The following GNA15 variants were observed in gnomAD, a reference collection of about 807,000 sequenced individuals.
GNA15 encodes the protein guanine nucleotide-binding protein subunit alpha-15.
A neutral mutation model predicts 40.1 loss-of-function variants in GNA15; 23 were observed. The observed-to-expected ratio is 0.57, with a 90% CI of 0.41 to 0.81. The LOEUF (loss-of-function observed/expected upper bound fraction) is 0.81. Ranked by LOEUF, GNA15 falls within the 40% of genes least tolerant of loss-of-function variation. The probability of loss-of-function intolerance (pLI) is 0.00; values close to 1 mark genes in which losing one functional copy is unlikely to be tolerated. For missense variants in GNA15, 522 were observed against 515.8 expected (o/e 1.01, Z -0.12); for synonymous variants, 226 against 210.4 (o/e 1.07, Z -0.64).
At chr19:3,156,815 T>C (rs1915041126) in intron 5 of GNA15, among the ~76,000 whole-genome samples, 1 of 151,952 alleles carries the variant, frequency 6.6e-6, no homozygotes, top group African/African-American at 2.4e-5. Context: ...TTTTAATAAG[T>C]ACACCAGTCG....
chr19:3,148,765 C>T lies in GNA15; in HGVS notation c.320C>T (p.Pro107Leu). ...MERLQIPFSR[P>L]ESKHHASLVM... ...CGGCTGCAGATTCCATTCAGCAGGC[C>T]CGAGAGCAAGGTGAGCCGCCAGGGC... is the stretch of plus-strand genomic sequence containing the variant. The change falls in exon 2 of 7, where the codon CCC becomes CTC. Residue 107 changes from proline to leucine, a missense_variant. Physicochemically the swap from Pro to Leu is moderately conservative, Grantham distance 98. Transcript: ENST00000262958. The T allele has an allele frequency of 6.3e-7, 1 of 1,595,724 alleles. No individual in the cohort carries two copies. Among genetic ancestry groups the T allele is most frequent in the African/African-American group, 1.3e-5 (1 of 74,704 alleles).
Position 3,148,685 on chromosome 19 carries a change from C to T in GNA15, c.240C>T (p.Pro80=), listed in dbSNP as rs138054097. Residue 80 remains proline, a synonymous_variant, in exon 2 of 7, where the codon CCC becomes CCT. Transcript: ENST00000262958. ...AGGAGGAGCGCAAGGGCTTCCGGCCCCTGGTCTACCAGAACATCTTCGTGT... is the reference window on the plus strand; with the variant it reads ...AGGAGGAGCGCAAGGGCTTCCGGCCTCTGGTCTACCAGAACATCTTCGTGT... ...YSEEERKGFR[P]LVYQNIFVSM... 3.3e-5 allele frequency: 52 copies of T among 1,598,126 alleles called. No homozygotes were observed. In the African/African-American group the frequency reaches 6.7e-4, roughly 21 times the overall value.
chr19:3,151,617 C>A lies in GNA15; in HGVS notation c.486-90C>A, dbSNP rs562707805. 2.8e-6 allele frequency: 4 copies of A among 1,430,554 alleles called. No homozygotes were observed. Among genetic ancestry groups the A allele is most frequent in the Non-Finnish European group, 2.8e-6 (3 of 1,081,370 alleles). 88.6% of individuals were successfully genotyped at this position (1,430,554 alleles called of 1,614,324 possible). On this transcript the variant is annotated intron_variant, in intron 3 of 6. Transcript: ENST00000262958. This position sits in a 1 kb window ranked among gnomAD's most constrained non-coding sequence, Gnocchi z 5.0. ...CTCCACCCAGGGAGCTCTCCTCCCCCAGCAGGGTCCTTGCTGGGCCTTTCG... is the reference window on the plus strand; with the variant it reads ...CTCCACCCAGGGAGCTCTCCTCCCCAAGCAGGGTCCTTGCTGGGCCTTTCG...
At chr19:3,138,724 G>A (rs894878214) in intron 1 of GNA15, among the ~76,000 whole-genome samples, 28 of 151,982 alleles carry the variant, frequency 1.8e-4, no homozygotes, top group East Asian at 3.9e-4. Flanking sequence ...TCCGCCTCCC[G>A]GGTTCAAGCA....
Position 3,157,888 on chromosome 19 carries a change from A to G in GNA15, c.898+7A>G. 1.2e-6 allele frequency: 2 copies of G among 1,606,582 alleles called. No homozygotes were observed. Among genetic ancestry groups the G allele is most frequent in the South Asian group, 1.1e-5 (1 of 90,978 alleles). On this transcript the variant is annotated splice_region_variant and intron_variant, in intron 6 of 6. Coordinates refer to ENST00000262958, the MANE Select transcript of GNA15 (RefSeq NM_002068.4). ...TATTTCCCCAGTTTCCAGGGTAAGT[A>G]ATTCTAGAACTTTCTATACCCTTCA...
At chr19:3,146,463 C>T (rs117680827) in intron 1 of GNA15, 5,198 of 152,040 alleles carry the variant, frequency 0.034, 133 homozygotes, top group Non-Finnish European at 0.047. Context: ...TTGGCAGGTG[C>T]GCGAACTGGG....
In GNA15 at chr19:3,136,847, T is replaced by C. The variant is rs1465245; in HGVS notation, c.145+252T>C. Among the ~76,000 whole-genome samples, 91,636 of 152,152 alleles carry C rather than the reference T, an allele frequency of 0.6. 27,687 individuals carry two copies. The highest frequency in any genetic ancestry group is 0.67 in the Admixed American group (10,253 of 15,302). On this transcript the variant is annotated intron_variant, in intron 1 of 6. Coordinates refer to ENST00000262958, the MANE Select transcript of GNA15 (RefSeq NM_002068.4). The surrounding 1 kb of genome is among the most constrained non-coding windows in gnomAD (Gnocchi z 4.9). Reference sequence around the variant, plus strand: ...AGGCCTGTCCACTGTGTGGGGCATATACAATAGCAGACGTGGCTCTACCGG... The same window carrying C: ...AGGCCTGTCCACTGTGTGGGGCATACACAATAGCAGACGTGGCTCTACCGG...
At chr19:3,143,739 A>G (rs1914630688) in intron 1 of GNA15, among the ~76,000 whole-genome samples, 1 of 152,136 alleles carries the variant, frequency 6.6e-6, no homozygotes, top group Non-Finnish European at 1.5e-5. Flanking sequence ...GCCACTCACC[A>G]GGACCATTGA....
rs116821796 is a variant in GNA15 at position 3,151,850 on chromosome 19, T to G, written c.614+15T>G. On this transcript the variant is annotated intron_variant, in intron 4 of 6. Coordinates refer to ENST00000262958, the MANE Select transcript of GNA15 (RefSeq NM_002068.4). The surrounding 1 kb of genome is among the most constrained non-coding windows in gnomAD (Gnocchi z 5.0). ...ACCAACCTGCGGTGAGCGCTCCACC[T>G]AGGCCCAGCCTAGGGGGCAGGGAAG... is the stretch of plus-strand genomic sequence containing the variant. The G allele has an allele frequency of 2.3e-3, 3,702 of 1,591,530 alleles. 79 individuals carry two copies. In the African/African-American group the frequency reaches 0.039, roughly 17 times the overall value.
rs369404148 is a variant in GNA15, at chr19:3,150,113, C to T, written c.331-18C>T. 5 of 1,608,480 alleles carry T rather than the reference C, an allele frequency of 3.1e-6. No individual in the cohort carries two copies. The highest frequency in any genetic ancestry group is 4.2e-6 in the Non-Finnish European group (5 of 1,177,904). ...ACTCAGAAAGGCTACCCTAACTGCC[C>T]CCGTCCTCCCTCCCCAGCACCACGC... On this transcript the variant is annotated intron_variant, in intron 2 of 6. Coordinates refer to ENST00000262958, the MANE Select transcript of GNA15 (RefSeq NM_002068.4).
chr19:3,151,871 G>A lies in GNA15; in HGVS notation c.614+36G>A. 3 of 1,525,638 alleles carry A rather than the reference G, an allele frequency of 2.0e-6. No individual in the cohort carries two copies. The highest frequency in any genetic ancestry group is 2.7e-6 in the Non-Finnish European group (3 of 1,121,846). The allele number at this position is 1,525,638 out of a possible 1,614,324, so 94.5% of individuals were successfully genotyped here. A position where few individuals can be genotyped will look rare whatever the true frequency, so the allele number is the denominator to read the frequency against. ...CACCTAGGCCCAGCCTAGGGGGCAG[G>A]GAAGGCTTCCTGTAGGAAGGGCAAA... is the stretch of plus-strand genomic sequence containing the variant. On this transcript the variant is annotated intron_variant, in intron 4 of 6. Transcript: ENST00000262958. The surrounding 1 kb of genome is among the most constrained non-coding windows in gnomAD (Gnocchi z 5.0).
chr19:3,149,065 G>A (rs1167523599), intron 2 of GNA15: 5 of 397,588 alleles, frequency 1.3e-5, no homozygotes, highest in East Asian at 9.0e-5. Context: ...AGATACACAC[G>A]CATGCCCACA....
chr19:3,155,497 C>T lies in GNA15; in HGVS notation c.615-326C>T, dbSNP rs918645027. 2.0e-5 allele frequency among the ~76,000 whole-genome samples: 3 copies of T among 152,252 alleles called. No homozygotes were observed. The highest frequency in any genetic ancestry group is 4.8e-5 in the African/African-American group (2 of 41,538). Reference sequence around the variant, plus strand: ...TTTGGAGATGTTTGGCAATTTCCTCCGCCGGGTCGCCCAGCCAGCACCAGG... The same window carrying T: ...TTTGGAGATGTTTGGCAATTTCCTCTGCCGGGTCGCCCAGCCAGCACCAGG... On this transcript the variant is annotated intron_variant, in intron 4 of 6. Transcript: ENST00000262958. The surrounding 1 kb of genome is among the most constrained non-coding windows in gnomAD (Gnocchi z 5.6).
chr19:3,157,668 G>A (rs1465367641), intron 5 of GNA15, 60 bp from the exon 6 acceptor site: 5 of 1,513,270 alleles, frequency 3.3e-6, no homozygotes, highest in African/African-American at 1.4e-5. Flanking sequence ...TCCGCGATGG[G>A]AGGGTTTCCT....
At position 3,149,995 on chromosome 19, in the gene GNA15, G is replaced by C. The variant is rs953551307; in HGVS notation, c.331-136G>C. The C allele has an allele frequency of 1.7e-5, 12 of 689,722 alleles. No homozygotes were observed. The Middle Eastern group carries it at 1.1e-3, about 63-fold the overall frequency. 42.7% of individuals were successfully genotyped at this position (689,722 alleles called of 1,614,324 possible). On this transcript the variant is annotated intron_variant, in intron 2 of 6. Transcript: ENST00000262958. ...CAAATCAGAAGTGTGCGGGGGGGTC[G>C]GGAGCTCTGGGGAAGAAGGAGAGCA...
At position 3,162,745 on chromosome 19, in the gene GNA15, G is replaced by A. The variant is rs756413809; in HGVS notation, c.899-48G>A. 17 of 1,320,048 alleles carry A rather than the reference G, an allele frequency of 1.3e-5. No individual in the cohort carries two copies. In the Admixed American group the frequency reaches 1.7e-4, roughly 13 times the overall value. 81.8% of individuals were successfully genotyped at this position (1,320,048 alleles called of 1,614,324 possible). A position where few individuals can be genotyped will look rare whatever the true frequency, so the allele number is the denominator to read the frequency against. On this transcript the variant is annotated intron_variant, in intron 6 of 6. Transcript: ENST00000262958. ...GAAGAGGGTCTCCAGAGGCCCCCTG[G>A]GTCCAAAGAGGGAGGGTCCTCACCC...
rs750478752 is a variant in GNA15, at chr19:3,148,742, G to A, written c.297G>A (p.Arg99=). 1 of 1,603,200 alleles carries A rather than the reference G, an allele frequency of 6.2e-7. No homozygotes were observed. The highest frequency in any genetic ancestry group is 1.1e-5 in the South Asian group (1 of 89,308). ...GGGCCATGATCGAGGCCATGGAGCGGCTGCAGATTCCATTCAGCAGGCCCG... is the reference window on the plus strand; with the variant it reads ...GGGCCATGATCGAGGCCATGGAGCGACTGCAGATTCCATTCAGCAGGCCCG... The part of the protein sequence containing the change: ...SMRAMIEAME[R]LQIPFSRPES... Residue 99 remains arginine (R), a synonymous_variant, in exon 2 of 7, where the codon CGG becomes CGA. Transcript: ENST00000262958.
chr19:3,162,666 C>A lies in GNA15; in HGVS notation c.899-127C>A. 5 of 634,668 alleles carry A rather than the reference C, an allele frequency of 7.9e-6. No homozygotes were observed. The East Asian group carries it at 1.4e-4, about 17-fold the overall frequency. 39.3% of individuals were successfully genotyped at this position (634,668 alleles called of 1,614,324 possible). A position where few individuals can be genotyped will look rare whatever the true frequency, so the allele number is the denominator to read the frequency against. ...CTATGACTACAAAAGATGGAGTCAA[C>A]GCACAGAAAAATGACAGGCGCGATC... On this transcript the variant is annotated intron_variant, in intron 6 of 6. Coordinates refer to ENST00000262958, the MANE Select transcript of GNA15 (RefSeq NM_002068.4).
chr19:3,163,260 G>T lies in GNA15; in HGVS notation c.*241G>T. ...TCCTTTGAAAGGGAAGGAGCAAAAC[G>T]GCCATTTGGGATGCCAGGGTGGATG... On this transcript the variant is annotated 3_prime_UTR_variant, in exon 7 of 7. Coordinates refer to ENST00000262958, the MANE Select transcript of GNA15 (RefSeq NM_002068.4). 1 of 551,322 alleles carries T rather than the reference G, an allele frequency of 1.8e-6. No individual in the cohort carries two copies. The highest frequency in any genetic ancestry group is 1.9e-5 in the African/African-American group (1 of 53,146). The allele number at this position is 551,322 out of a possible 1,614,324, so 34.2% of individuals were successfully genotyped here. A position where few individuals can be genotyped will look rare whatever the true frequency, so the allele number is the denominator to read the frequency against.
Sources: allele counts gnomAD v4.1 joint callset (sites outside exome capture counted in the v4.1 genomes callset), GRCh38; gene constraint gnomAD v4.1.1; non-coding constraint Gnocchi (gnomAD v3.1); transcripts MANE v1.5; gene names NCBI Gene and HGNC (gene_info 2026-07-23, HGNC 2026-07-21).